Variants in FAM72A observed in about 807,000 individuals in gnomAD.
FAM72A encodes the protein protein FAM72A.
In FAM72A, 1 loss-of-function variant was observed where a neutral mutation model predicts 11.3. The ratio of observed to expected loss-of-function variants is 0.09; its 90% CI spans 0.03 to 0.42. FAM72A has a LOEUF of 0.42. FAM72A is among the 10% of genes least tolerant of loss of function. The probability of loss-of-function intolerance (pLI) is 0.98; values close to 1 mark genes in which losing one functional copy is unlikely to be tolerated. For synonymous variants in FAM72A, 5 were observed against 46.9 expected (o/e 0.11, Z 3.65); for missense variants, 15 against 135.5 (o/e 0.11, Z 4.41).
upstream of FAM72A, chr1:206,205,280 G>A (rs1311027853): frequency 6.9e-6 from 1 of 144,208 alleles, no homozygotes. Context: ...TCCCCACCTC[G>A]TAGCGCCAGG....
intron 3 of FAM72A, among the ~76,000 whole-genome samples, chr1:206,190,696 C>G (rs1272454903): frequency 1.1e-3 from 152 of 136,562 alleles, no homozygotes; most frequent in African/African-American, 4.4e-3. Flanking sequence ...ATGGCAAAAA[C>G]TGGTCTCTAC....
At chr1:206,205,046 A>C (rs1398473708), upstream of FAM72A, 1 of 151,882 alleles carries the variant, frequency 6.6e-6, no homozygotes, top group Non-Finnish European at 1.5e-5. Flanking sequence ...TTTGATGTAC[A>C]GGGAGGTGCC....
upstream of FAM72A, chr1:206,203,269 T>C (rs1391398321): frequency 5.1e-6 from 2 of 393,014 alleles, no homozygotes; most frequent in South Asian, 1.2e-4. Context: ...CTCAAGAGTT[T>C]GTGTTTGGTC....
upstream of FAM72A, chr1:206,203,811 C>T: frequency 6.5e-7 from 1 of 1,530,870 alleles, no homozygotes; most frequent in East Asian, 2.5e-5. Flanking sequence ...CCCCCTCCAC[C>T]CTCTCCAAAT....
chr1:206,189,258 C>T (rs1415551914), intron 3 of FAM72A, among the ~76,000 whole-genome samples: 7 of 149,736 alleles, frequency 4.7e-5, no homozygotes, highest in African/African-American at 1.8e-4. Context: ...TGGTTCAAGG[C>T]GACATGCACA....
chr1:206,193,705 T>G (rs2102384101), intron 3 of FAM72A, among the ~76,000 whole-genome samples: 1 of 152,040 alleles, frequency 6.6e-6, no homozygotes, highest in Non-Finnish European at 1.5e-5. Context: ...TTATGCCAAA[T>G]ATACTTTGCC....
Position 206,188,340 on chromosome 1 carries a change from AT to A in FAM72A, c.356-968del, listed in dbSNP as rs1426667762. ...AACTTCACTGAGAAAGAATAGTCAG[AT>A]TTCATATTGAAGAATGAAGCACAGG... On this transcript the variant is annotated intron_variant, in intron 3 of 3. Transcript: ENST00000367128. Among the ~76,000 whole-genome samples the A allele has an allele frequency of 4.8e-5, 7 of 144,710 alleles. No homozygotes were observed. The Admixed American group carries it at 4.9e-4, about 10-fold the overall frequency. 94.9% of individuals were successfully genotyped at this position (144,710 alleles called of 152,430 possible). A position where few individuals can be genotyped will look rare whatever the true frequency, so the allele number is the denominator to read the frequency against.
At chr1:206,198,747 A>C (rs1665204763) in intron 2 of FAM72A, among the ~76,000 whole-genome samples, 1 of 148,082 alleles carries the variant, frequency 6.8e-6, no homozygotes, top group African/African-American at 2.5e-5. Context: ...GATAAGGTAA[A>C]CACAGAAGAT....
intron 3 of FAM72A, among the ~76,000 whole-genome samples, chr1:206,190,660 A>G (rs1476722547): frequency 7.8e-6 from 1 of 128,008 alleles, no homozygotes; most frequent in Non-Finnish European, 1.6e-5. Flanking sequence ...ACTTGAGGAC[A>G]GGAGTTCGAG....
At position 206,201,897 on chromosome 1, in the gene FAM72A, GA is replaced by G; in HGVS notation, c.128del (p.Phe43SerfsTer27). ...ACTTGGTAGGAGGGATGTCTGTAGA[GA>G]AAAGGTCTATTTCAGTATCAGCCAG... ...VLLADTEIDL[F>X]STDIPPTNAV... On this transcript the variant is annotated frameshift_variant, in exon 1 of 4. Transcript: ENST00000367128. LOFTEE classifies it high-confidence loss of function. The G allele has an allele frequency of 2.1e-6, 1 of 482,714 alleles. No individual in the cohort carries two copies. The allele number at this position is 482,714 out of a possible 1,614,324, so 29.9% of individuals were successfully genotyped here.
At chr1:206,203,548 G>A (rs1315077012), upstream of FAM72A, 1 of 573,106 alleles carries the variant, frequency 1.7e-6, no homozygotes, top group Non-Finnish European at 3.1e-6. Context: ...TCCAGGGACT[G>A]GGGCACCGAT....
At chr1:206,199,019 T>C (rs1403003473) in intron 2 of FAM72A, among the ~76,000 whole-genome samples, 3 of 130,420 alleles carry the variant, frequency 2.3e-5, no homozygotes, top group Admixed American at 7.8e-5. Flanking sequence ...GAGGTGGAGG[T>C]TGTGGTGAGC....
At chr1:206,196,602 CA>C (rs1665070183) in intron 2 of FAM72A, among the ~76,000 whole-genome samples, 1 of 115,752 alleles carries the variant, frequency 8.6e-6, no homozygotes, top group Non-Finnish European at 1.7e-5. Flanking sequence ...ACTGTTTCAA[CA>C]GATGGAGAGG....
intron 3 of FAM72A, among the ~76,000 whole-genome samples, chr1:206,190,897 A>G (rs1664750713): frequency 6.6e-6 from 1 of 151,542 alleles, no homozygotes; most frequent in African/African-American, 2.4e-5. Flanking sequence ...GTTCCTTAAA[A>G]TCAACTTGGT....
intron 3 of FAM72A, among the ~76,000 whole-genome samples, chr1:206,191,971 A>G (rs1357508443): frequency 5.5e-5 from 8 of 145,756 alleles, no homozygotes; most frequent in East Asian, 2.0e-4. Flanking sequence ...GCATACCTCA[A>G]TTGTGCTTTA....
chr1:206,203,940 C>T (rs529056440), upstream of FAM72A: 1 of 1,480,042 alleles, frequency 6.8e-7, no homozygotes. Context: ...GCCGCCTCTC[C>T]CTTTCCTCCG....
chr1:206,196,741 A>G (rs1665077386), intron 2 of FAM72A, among the ~76,000 whole-genome samples: 1 of 149,500 alleles, frequency 6.7e-6, no homozygotes, highest in Non-Finnish European at 1.5e-5. Context: ...AAAAGTTTTT[A>G]CAGTTTTCAG....
chr1:206,191,727 T>A (rs868968486), intron 3 of FAM72A, among the ~76,000 whole-genome samples: 3,992 of 139,096 alleles, frequency 0.029, 121 homozygotes, highest in Middle Eastern at 0.055. Context: ...AAATATTATT[T>A]TTTTTTTTTT....
chr1:206,192,097 T>C (rs1336138460), intron 3 of FAM72A, among the ~76,000 whole-genome samples: 1 of 100,352 alleles, frequency 1.0e-5, no homozygotes, highest in Non-Finnish European at 1.9e-5. Flanking sequence ...TTGATAATTC[T>C]CTCAATATTT....
Sources: gnomAD v4.1 joint callset for allele counts (sites outside exome capture counted in the v4.1 genomes callset) on GRCh38, gnomAD v4.1.1 for gene constraint, MANE v1.5 for transcripts, NCBI Gene and HGNC (gene_info 2026-07-23, HGNC 2026-07-21) for gene names.